Variants in GTF3C1 observed in about 807,000 individuals in gnomAD.
GTF3C1 encodes general transcription factor 3C polypeptide 1.
A neutral mutation model predicts 226.7 loss-of-function variants in GTF3C1; 57 were observed. That is an observed-to-expected ratio of 0.25 (90% CI 0.20 to 0.31). GTF3C1 has a LOEUF of 0.31. Among genes scored for constraint, GTF3C1 ranks in the 10% least tolerant of loss-of-function variants. The probability of loss-of-function intolerance (pLI) is 1.00; values close to 1 mark genes in which losing one functional copy is unlikely to be tolerated. For synonymous variants in GTF3C1, 1,090 were observed against 1,084.8 expected, an observed-to-expected ratio of 1.00 and a Z score of -0.09; for missense variants, 2,217 against 2,776.1, an observed-to-expected ratio of 0.80 and a Z score of 4.53.
At chr16:27,509,686 A>G (rs2088543473) in intron 7 of GTF3C1, among the ~76,000 whole-genome samples, 1 of 140,626 alleles carries the variant, frequency 7.1e-6, no homozygotes, top group Non-Finnish European at 1.5e-5. Context: ...TGAACTTGGG[A>G]GGCGGAGCTT....
chr16:27,537,726 G>C, intron 4 of GTF3C1, 58 bp downstream of exon 4: 1 of 1,293,756 alleles, frequency 7.7e-7, no homozygotes. Flanking sequence ...AATTTTTAAA[G>C]CATACTACAC....
At chr16:27,481,481 G>A (rs2088047402) in intron 26 of GTF3C1, among the ~76,000 whole-genome samples, 2 of 151,912 alleles carry the variant, frequency 1.3e-5, no homozygotes, top group Admixed American at 6.6e-5. Context: ...CCAAGCCCCA[G>A]GTGAGATGAC....
rs146481083 is a variant in GTF3C1 at position 27,536,044 on chromosome 16, G to A, written c.752+1740C>T. Among the ~76,000 whole-genome samples, 187 of 152,332 alleles carry A rather than the reference G, an allele frequency of 1.2e-3. 1 individual carries two copies. Among genetic ancestry groups the A allele is most frequent in the African/African-American group, 4.0e-3 (167 of 41,576 alleles). ...TGCTTGACATGTACTGTAGAGTGAG[G>A]TCTGCAGCTGCGACTGCCCGCCATT... On this transcript the variant is annotated intron_variant, in intron 4 of 36. Transcript: ENST00000356183.
chr16:27,517,408 G>A (rs769835596), intron 6 of GTF3C1, among the ~76,000 whole-genome samples: 16 of 152,190 alleles, frequency 1.1e-4, no homozygotes, highest in Non-Finnish European at 1.9e-4. Context: ...CAGGGTGAGC[G>A]AGGCCTACTG....
intron 22 of GTF3C1, 27 bp from the exon 23 acceptor site, chr16:27,488,442 T>C: frequency 6.3e-7 from 1 of 1,590,072 alleles, no homozygotes; most frequent in South Asian, 1.1e-5. Context: ...GAGACAACAG[T>C]TTCAGGACGA....
chr16:27,500,309 G>A (rs111982333), intron 12 of GTF3C1, among the ~76,000 whole-genome samples: 9,030 of 152,176 alleles, frequency 0.059, 363 homozygotes, highest in Non-Finnish European at 0.085. Flanking sequence ...CAGGGGGCCA[G>A]GGGACATTAT....
At chr16:27,484,678 A>G in intron 24 of GTF3C1, among the ~76,000 whole-genome samples, 1 of 152,230 alleles carries the variant, frequency 6.6e-6, no homozygotes, top group East Asian at 1.9e-4. Flanking sequence ...TGGGGATGCA[A>G]AGTGTGTTTA....
intron 20 of GTF3C1, 145 bp downstream of exon 20, chr16:27,489,457 T>A: frequency 1.5e-6 from 1 of 649,754 alleles, no homozygotes; most frequent in Non-Finnish European, 2.6e-6. Context: ...ATAAAGTATG[T>A]CTGGAGCCAG....
chr16:27,544,160 A>T (rs924835688), intron 2 of GTF3C1, among the ~76,000 whole-genome samples: 1 of 152,052 alleles, frequency 6.6e-6, no homozygotes, highest in Non-Finnish European at 1.5e-5. Context: ...AGGCTGGGAT[A>T]GGAGGATTGC....
At chr16:27,505,864 C>A in intron 10 of GTF3C1, 35 bp downstream of exon 10, 1 of 1,184,452 alleles carries the variant, frequency 8.4e-7, no homozygotes, top group South Asian at 1.2e-5. Context: ...CAGACTCCTT[C>A]TTGGAGACAG....
In GTF3C1 at chr16:27,510,095, A is replaced by G. The variant is rs1358071059; in HGVS notation, c.1127-1440T>C. Among the ~76,000 whole-genome samples the G allele has an allele frequency of 2.0e-5, 3 of 152,202 alleles. No individual in the cohort carries two copies. In the East Asian group the frequency reaches 5.8e-4, roughly 29 times the overall value. On this transcript the variant is annotated intron_variant, in intron 7 of 36. Coordinates refer to ENST00000356183, the MANE Select transcript of GTF3C1 (RefSeq NM_001520.4). ...GAAACCTTGTCTCTACTAAAGAAAT[A>G]GAAAATTAGTCCGGACGCTGTGGCT...
chr16:27,514,310 C>T (rs1349675875), intron 6 of GTF3C1, among the ~76,000 whole-genome samples: 1 of 152,342 alleles, frequency 6.6e-6, no homozygotes, highest in South Asian at 2.1e-4. Flanking sequence ...CCCTGCCCTG[C>T]CCTCTCCTGC....
At chr16:27,496,057 C>CA (rs1461506222) in intron 14 of GTF3C1, among the ~76,000 whole-genome samples, 1 of 152,170 alleles carries the variant, frequency 6.6e-6, no homozygotes, top group Non-Finnish European at 1.5e-5. Context: ...GGTGATCCCT[C>CA]ATGACTTGGT....
intron 11 of GTF3C1, 95 bp downstream of exon 11, chr16:27,502,764 T>G: frequency 8.0e-7 from 1 of 1,256,210 alleles, no homozygotes; most frequent in Non-Finnish European, 1.1e-6. Flanking sequence ...GAGATTTGAA[T>G]GCCCCTCAGT....
rs1949094611 is a variant in GTF3C1 at position 27,469,828 on chromosome 16, A to G, written c.4815-278T>C. The stretch of plus-strand genomic sequence containing the variant: ...CCCAGAAAACACCCATTTCCCCAGG[A>G]AGCCCCAGTTCTGTTGCGAGGCCCT... On this transcript the variant is annotated intron_variant, in intron 31 of 36. Transcript: ENST00000356183. The surrounding 1 kb of genome is among the most constrained non-coding windows in gnomAD (Gnocchi z 4.5). 6.6e-6 allele frequency among the ~76,000 whole-genome samples: 1 copy of G among 152,072 alleles called. No homozygotes were observed. Among genetic ancestry groups the G allele is most frequent in the Admixed American group, 6.5e-5 (1 of 15,270 alleles).
chr16:27,481,083 C>G lies in GTF3C1; in HGVS notation c.4192G>C (p.Ala1398Pro). The G allele has an allele frequency of 1.2e-6, 2 of 1,613,712 alleles. No individual in the cohort carries two copies. The highest frequency in any genetic ancestry group is 1.3e-5 in the African/African-American group (1 of 75,038). ...EIPDTLQELF[A>P]RYRVLAIGDE... ...ACCATCCCAGAAACGGCTTACCTGGCGAACAGCTCCTGGAGTGTGTCTGGG... is the reference window on the plus strand; with the variant it reads ...ACCATCCCAGAAACGGCTTACCTGGGGAACAGCTCCTGGAGTGTGTCTGGG... Residue 1398 changes from alanine to proline, a missense_variant, in exon 27 of 37, where the codon GCC (alanine) becomes CCC (proline). Physicochemically the swap from Ala to Pro is conservative, Grantham distance 27. Around this residue, in one of 12 missense-constraint regions of GTF3C1, gnomAD observed 546 missense variants for 663.0 expected, o/e 0.82. Coordinates refer to ENST00000356183, the MANE Select transcript of GTF3C1 (RefSeq NM_001520.4).
intron 25 of GTF3C1, 124 bp downstream of exon 25, chr16:27,484,087 A>T: frequency 1.4e-6 from 1 of 726,968 alleles, no homozygotes; most frequent in Non-Finnish European, 2.4e-6. Context: ...TCCCCAGCAG[A>T]CTCCAACACT....
chr16:27,537,656 C>T, intron 4 of GTF3C1, 128 bp downstream of exon 4: 1 of 660,450 alleles, frequency 1.5e-6, no homozygotes, highest in Non-Finnish European at 2.6e-6. Flanking sequence ...AGTTCTCCCA[C>T]CTCAGCCTCC....
intron 12 of GTF3C1, 38 bp downstream of exon 12, chr16:27,501,153 C>A: frequency 6.3e-7 from 1 of 1,575,474 alleles, no homozygotes. Context: ...TCCAACAGCA[C>A]GAGGCTGGCT....
Sources: gnomAD v4.1 joint callset for allele counts (sites outside exome capture counted in the v4.1 genomes callset) on GRCh38, gnomAD v4.1.1 for gene constraint, gnomAD v4.1.1 regional missense constraint, Gnocchi (gnomAD v3.1) non-coding constraint, MANE v1.5 for transcripts, NCBI Gene and HGNC (gene_info 2026-07-23, HGNC 2026-07-21) for gene names.